CD177: variants seen among roughly 807,000 people sequenced by gnomAD.
CD177 encodes the protein CD177 antigen.
Under a neutral mutation model 38.1 loss-of-function variants are expected in CD177, and 41 were observed. That is an observed-to-expected ratio of 1.07 (90% CI 0.84 to 1.39). The LOEUF (loss-of-function observed/expected upper bound fraction) is 1.39, where lower values mean the gene tolerates loss of function less well. Ranked by LOEUF, CD177 falls within the 40% of genes most tolerant of loss-of-function variation. The pLI, the probability that CD177 is intolerant of heterozygous loss-of-function variation, is 0.00. For missense variants in CD177, 619 were observed against 523.8 expected (o/e 1.18, Z -1.77); for synonymous variants, 236 against 216.7 (o/e 1.09, Z -0.78).
intron 6 of CD177, 57 bp from the exon 7 acceptor site, chr19:43,361,086 C>T (rs1969955278): frequency 1.1e-5 from 8 of 704,206 alleles, no homozygotes; most frequent in Non-Finnish European, 1.5e-5. Flanking sequence ...AGCTCTGGAG[C>T]CCCTGCTGCC....
intron 6 of CD177, chr19:43,360,930 C>T: frequency 1.6e-6 from 1 of 609,000 alleles, no homozygotes; most frequent in Non-Finnish European, 3.0e-6. Context: ...AGAAGGTGAC[C>T]TTTGAGCGAG....
rs1599875181 is a variant in CD177, at chr19:43,353,963, T to G, written c.163T>G (p.Cys55Gly). Reference sequence around the variant, plus strand: ...CACCAGCTGCGACAGCGGCTTGGGGTGCCAGGACACGTTGATGCTCATTGA... The same window carrying G: ...CACCAGCTGCGACAGCGGCTTGGGGGGCCAGGACACGTTGATGCTCATTGA... ...KNTSCDSGLG[C>G]QDTLMLIESG... The change falls in exon 2 of 9, where the codon TGC becomes GGC. Residue 55 changes from cysteine (C) to glycine (G), a missense_variant. Coordinates refer to ENST00000618265, the MANE Select transcript of CD177 (RefSeq NM_020406.4). 6.2e-7 allele frequency: 1 copy of G among 1,613,730 alleles called. No homozygotes were observed. The highest frequency in any genetic ancestry group is 1.1e-5 in the South Asian group (1 of 91,070).
downstream of CD177, among the ~76,000 whole-genome samples, chr19:43,365,899 G>A (rs573420411): frequency 2.0e-5 from 3 of 152,280 alleles, no homozygotes; most frequent in South Asian, 6.2e-4. Context: ...CAGCTGTCCC[G>A]TGGATGCTGG....
Position 43,362,079 on chromosome 19 carries a change from T to TCCCTCTAGG in CD177, c.1082-8_1082dup. 6.2e-7 allele frequency: 1 copy of TCCCTCTAGG among 1,612,424 alleles called. No homozygotes were observed. Among genetic ancestry groups the TCCCTCTAGG allele is most frequent in the Non-Finnish European group, 8.5e-7 (1 of 1,178,698 alleles). On this transcript the variant is annotated splice_polypyrimidine_tract_variant and intron_variant, in intron 8 of 8. Coordinates refer to ENST00000618265, the MANE Select transcript of CD177 (RefSeq NM_020406.4). ...CTGTGTCCTTTCTGACTTGGTCTTC[T>TCCCTCTAGG]CCCTCTAGGTGGGCTGTCCACCAAA...
chr19:43,363,425 G>A (rs1970002614), downstream of CD177, among the ~76,000 whole-genome samples: 2 of 144,838 alleles, frequency 1.4e-5, no homozygotes, highest in Admixed American at 1.4e-4. Context: ...GAGAGAGCTG[G>A]AGAGAGAGCC....
At position 43,360,353 on chromosome 19, in the gene CD177, G is replaced by C; in HGVS notation, c.708G>C (p.Glu236Asp). Reference sequence around the variant, plus strand: ...CTGATTGGACCACATCGAATACCGAGATGTGCGAGGTGGGGCAGGTGTGTC... The same window carrying C: ...CTGATTGGACCACATCGAATACCGACATGTGCGAGGTGGGGCAGGTGTGTC... ...EPTDWTTSNT[E>D]MCEVGQVCQE... The change falls in exon 6 of 9, where the codon GAG becomes GAC. Residue 236 changes from glutamate (E) to aspartate (D), a missense_variant. Transcript: ENST00000618265. The C allele has an allele frequency of 6.2e-7, 1 of 1,611,246 alleles. No homozygotes were observed. The highest frequency in any genetic ancestry group is 8.5e-7 in the Non-Finnish European group (1 of 1,178,834).
Position 43,353,926 on chromosome 19 carries a change from G to C in CD177, c.126G>C (p.Trp42Cys), listed in dbSNP as rs1465032250. The C allele has an allele frequency of 3.7e-6, 6 of 1,613,750 alleles. No individual in the cohort carries two copies. The highest frequency in any genetic ancestry group is 5.1e-6 in the Non-Finnish European group (6 of 1,179,850). The change falls in exon 2 of 9, where the codon TGG (tryptophan) becomes TGC (cysteine). Residue 42 changes from tryptophan (W) to cysteine (C), a missense_variant. By Grantham distance (215) the Trp-to-Cys change is radical. Transcript: ENST00000618265. ...AGGTGTCCGACCTGCCCCGGCAATG[G>C]ACCCCTAAGAACACCAGCTGCGACA... ...VWKVSDLPRQ[W>C]TPKNTSCDSG...
At chr19:43,365,850 CT>C (rs1382437743), downstream of CD177, among the ~76,000 whole-genome samples, 1 of 144,070 alleles carries the variant, frequency 6.9e-6, no homozygotes, top group Non-Finnish European at 1.5e-5. Context: ...GCCTGAGTCA[CT>C]TGCTGGCCTC....
At chr19:43,365,950 G>A (rs995658972), downstream of CD177, among the ~76,000 whole-genome samples, 1 of 152,140 alleles carries the variant, frequency 6.6e-6, no homozygotes, top group Non-Finnish European at 1.5e-5. Flanking sequence ...TGGTAGCTCA[G>A]AGAGCACCCG....
intron 8 of CD177, 150 bp downstream of exon 8, chr19:43,361,729 G>A: frequency 1.2e-6 from 1 of 843,562 alleles, no homozygotes; most frequent in South Asian, 1.8e-5. Context: ...GAGGGGCTGG[G>A]GGCCTGGACT....
rs892056924 is a variant in CD177, at chr19:43,362,005, A to C, written c.1082-83A>C. On this transcript the variant is annotated intron_variant, in intron 8 of 8. Coordinates refer to ENST00000618265, the MANE Select transcript of CD177 (RefSeq NM_020406.4). ...TCTGGGCTCCTCGGTCTGAGGGAGG[A>C]GGGTCTGGGGCCTGGACTCCTGGGT... The C allele has an allele frequency of 2.3e-5, 26 of 1,150,716 alleles. 1 individual carries two copies. The highest frequency in any genetic ancestry group is 1.4e-4 in the Admixed American group (7 of 50,256). 71.3% of individuals were successfully genotyped at this position (1,150,716 alleles called of 1,614,324 possible).
chr19:43,355,271 G>A (rs574315501), intron 3 of CD177, among the ~76,000 whole-genome samples: 12 of 151,022 alleles, frequency 7.9e-5, no homozygotes, highest in East Asian at 5.8e-4. Flanking sequence ...CTGCCACCAC[G>A]CCCGGCTAAT....
At chr19:43,361,797 C>T (rs1009444760) in intron 8 of CD177, among the ~76,000 whole-genome samples, 2 of 138,158 alleles carry the variant, frequency 1.4e-5, no homozygotes, top group African/African-American at 5.5e-5. Context: ...GGAGGAGGGG[C>T]TGGGTGCCTG....
chr19:43,360,481 C>T (rs1196660410), intron 6 of CD177, 76 bp downstream of exon 6: 3 of 1,403,880 alleles, frequency 2.1e-6, no homozygotes, highest in Non-Finnish European at 2.9e-6. Context: ...GGATTCTTTC[C>T]CCTGAATTTC....
chr19:43,362,496 G>A lies in CD177; in HGVS notation c.*176G>A, dbSNP rs1195770160. 18 of 522,860 alleles carry A rather than the reference G, an allele frequency of 3.4e-5. No individual in the cohort carries two copies. Among genetic ancestry groups the A allele is most frequent in the Non-Finnish European group, 2.4e-5 (7 of 294,696 alleles). 32.4% of individuals were successfully genotyped at this position (522,860 alleles called of 1,614,324 possible). ...TAACAGCAACACTGGGGAGAGCCTG[G>A]AGCATCCGGACTTGCCCTATGGGAG... On this transcript the variant is annotated 3_prime_UTR_variant, in exon 9 of 9. Transcript: ENST00000618265.
rs1399705674 is a variant in CD177, at chr19:43,354,370, T to C, written c.357T>C (p.Leu119=). Residue 119 remains leucine (L), a synonymous_variant, in exon 3 of 9, where the codon CTT becomes CTC. Coordinates refer to ENST00000618265, the MANE Select transcript of CD177 (RefSeq NM_020406.4). ...FCNNLVNSLP[L]WAPQPPADPG... ...ACAACCTCGTTAACTCCCTCCCGCT[T>C]TGGGCCCCACAGCCCCCAGCAGGTG... 1 of 1,613,812 alleles carries C rather than the reference T, an allele frequency of 6.2e-7. No homozygotes were observed. The highest frequency in any genetic ancestry group is 1.7e-5 in the Admixed American group (1 of 60,010).
intron 5 of CD177, among the ~76,000 whole-genome samples, 155 bp from the exon 6 acceptor site, chr19:43,360,110 T>A (rs1425883834): frequency 6.6e-6 from 1 of 151,822 alleles, no homozygotes; most frequent in Non-Finnish European, 1.5e-5. Flanking sequence ...GGATTTCGAC[T>A]CCCAAGTCCC....
At chr19:43,354,488 C>G (rs1385207245) in intron 3 of CD177, 96 bp downstream of exon 3, 4 of 1,321,970 alleles carry the variant, frequency 3.0e-6, no homozygotes, top group Non-Finnish European at 3.2e-6. Flanking sequence ...CACCCTCGCT[C>G]GCTATCCCGA....
chr19:43,361,057 T>G (rs1969955049), intron 6 of CD177, 86 bp from the exon 7 acceptor site: 2 of 640,370 alleles, frequency 3.1e-6, no homozygotes, highest in Non-Finnish European at 5.6e-6. Context: ...TGGGGGGTAT[T>G]GTGAAGGGCA....
Sources: allele counts gnomAD v4.1 joint callset (sites outside exome capture counted in the v4.1 genomes callset), GRCh38; gene constraint gnomAD v4.1.1; transcripts MANE v1.5; gene names NCBI Gene and HGNC (gene_info 2026-07-23, HGNC 2026-07-21).